The following REV3L variants were observed in gnomAD, a reference collection of about 807,000 sequenced individuals.
The protein encoded by REV3L is REV3 like, DNA directed polymerase zeta catalytic subunit, also known as DNA polymerase zeta catalytic subunit.
In REV3L, 69 loss-of-function variants were observed where a neutral mutation model predicts 299.4. The ratio of observed to expected loss-of-function variants is 0.23; its 90% CI spans 0.19 to 0.28. The LOEUF is 0.28. REV3L is among the 10% of genes least tolerant of loss of function. The pLI is 1.00. For missense variants in REV3L, 3,128 were observed against 3,693.8 expected, an observed-to-expected ratio of 0.85 and a Z score of 3.97; for synonymous variants, 1,238 against 1,271.4, an observed-to-expected ratio of 0.97 and a Z score of 0.56.
chr6:111,305,187 C>T (rs987804869), intron 31 of REV3L, among the ~76,000 whole-genome samples: 4 of 152,092 alleles, frequency 2.6e-5, no homozygotes, highest in African/African-American at 7.2e-5. Flanking sequence ...GTGATCCGCC[C>T]GCCTCGGCCT....
At chr6:111,306,526 T>C (rs571999879) in intron 31 of REV3L, among the ~76,000 whole-genome samples, 92 of 152,308 alleles carry the variant, frequency 6.0e-4, no homozygotes, top group African/African-American at 2.1e-3. Context: ...TTTGAGATGT[T>C]TGTTGTTTAT....
intron 1 of REV3L, among the ~76,000 whole-genome samples, chr6:111,452,520 G>A (rs936796648): frequency 2.0e-5 from 3 of 152,000 alleles, no homozygotes; most frequent in Admixed American, 6.6e-5. Context: ...TAACTCATAC[G>A]ACAATGTGGA....
At chr6:111,315,129 C>T (rs894351990) in intron 27 of REV3L, 138 bp downstream of exon 27, 12 of 677,582 alleles carry the variant, frequency 1.8e-5, no homozygotes, top group African/African-American at 1.1e-4. Flanking sequence ...GGATTACAGA[C>T]ATGAGCCAGT....
At chr6:111,332,829 A>G (rs1033465295) in intron 23 of REV3L, among the ~76,000 whole-genome samples, 4 of 152,234 alleles carry the variant, frequency 2.6e-5, no homozygotes, top group Non-Finnish European at 2.9e-5. Flanking sequence ...ATTTACATCA[A>G]CAATTTAACT....
intron 1 of REV3L, among the ~76,000 whole-genome samples, chr6:111,432,289 G>A (rs566055337): frequency 6.6e-6 from 1 of 152,274 alleles, no homozygotes; most frequent in East Asian, 1.9e-4. Context: ...AAAGAAGCAA[G>A]AGTTAAACTA....
At chr6:111,460,401 C>T (rs768194889) in intron 1 of REV3L, 7 of 141,214 alleles carry the variant, frequency 5.0e-5, no homozygotes, top group Non-Finnish European at 9.1e-5. Context: ...CAGGTACACC[C>T]GGAATCTAAA....
intron 30 of REV3L, 60 bp downstream of exon 30, chr6:111,309,793 T>A: frequency 6.4e-7 from 1 of 1,559,818 alleles, no homozygotes; most frequent in Non-Finnish European, 8.7e-7. Context: ...TTAGTTCTAC[T>A]GAAAATTTGG....
At position 111,376,434 on chromosome 6, in the gene REV3L, G is replaced by T; in HGVS notation, c.1921C>A (p.His641Asn). The T allele has an allele frequency of 1.2e-6, 2 of 1,613,414 alleles. No individual in the cohort carries two copies. The highest frequency in any genetic ancestry group is 2.2e-5 in the South Asian group (2 of 91,002). ...LSSTVHSENS[H>N]KENSKKEILP... The stretch of plus-strand genomic sequence containing the variant: ...ATCTCTTTCTTACTATTCTCTTTAT[G>T]AGAATTTTCTGAATGAACAGTACTG... Residue 641 changes from histidine (H) to asparagine (N), a missense_variant, in exon 13 of 32, where the codon CAT becomes AAT. By Grantham distance (68) the His-to-Asn change is moderately conservative. Coordinates refer to ENST00000368802, the MANE Select transcript of REV3L (RefSeq NM_001372078.1).
At chr6:111,356,873 C>T (rs1778144988) in intron 18 of REV3L, 141 bp downstream of exon 18, 1 of 397,250 alleles carries the variant, frequency 2.5e-6, no homozygotes, top group East Asian at 3.9e-5. Flanking sequence ...ATAAAATCTT[C>T]CCAAGAGTAA....
chr6:111,374,750 T>C lies in REV3L; in HGVS notation c.3605A>G (p.Asp1202Gly), dbSNP rs145862199. 2 of 1,612,584 alleles carry C rather than the reference T, an allele frequency of 1.2e-6. No homozygotes were observed. Among genetic ancestry groups the C allele is most frequent in the Non-Finnish European group, 1.7e-6 (2 of 1,179,492 alleles). Residue 1202 changes from aspartate (D) to glycine (G), a missense_variant, in exon 13 of 32, where the codon GAT (aspartate) becomes GGT (glycine). By Grantham distance (94) the Asp-to-Gly change is moderately conservative. This residue lies in a region of REV3L where 2,409 missense variants were observed against 2,611.8 expected (regional missense o/e 0.92). Coordinates refer to ENST00000368802, the MANE Select transcript of REV3L (RefSeq NM_001372078.1). Reference protein sequence around the residue: ...NKRNQTNKLVDDGKKKPRAKQ... With the variant: ...NKRNQTNKLVGDGKKKPRAKQ... ...TGCTCTTGGTTTCTTTTTTCCATCA[T>C]CTACTAGTTTATTTGTCTGATTTCG... is the stretch of plus-strand genomic sequence containing the variant.
chr6:111,426,699 T>C (rs948933762), intron 1 of REV3L, among the ~76,000 whole-genome samples: 1 of 152,230 alleles, frequency 6.6e-6, no homozygotes, highest in Non-Finnish European at 1.5e-5. Context: ...CATAAGCAAT[T>C]TAATCTGCAA....
At chr6:111,450,792 G>C (rs541871975) in intron 1 of REV3L, among the ~76,000 whole-genome samples, 1 of 152,270 alleles carries the variant, frequency 6.6e-6, no homozygotes, top group African/African-American at 2.4e-5. Context: ...TAACGTCTGG[G>C]TTTCAGAAGA....
chr6:111,398,966 GCAA>G (rs1272158624), intron 4 of REV3L, among the ~76,000 whole-genome samples: 3 of 151,954 alleles, frequency 2.0e-5, no homozygotes, highest in Non-Finnish European at 4.4e-5. Context: ...AATTACTTTT[GCAA>G]CAACCTAATA....
intron 1 of REV3L, among the ~76,000 whole-genome samples, chr6:111,429,515 T>C (rs1786603860): frequency 7.2e-6 from 1 of 139,654 alleles, no homozygotes. Context: ...CTGCAATTTG[T>C]AGTGTACAAT....
intron 9 of REV3L, among the ~76,000 whole-genome samples, chr6:111,386,863 A>G (rs1781400840): frequency 6.6e-6 from 1 of 151,708 alleles, no homozygotes; most frequent in Non-Finnish European, 1.5e-5. Flanking sequence ...CTGGGATTAC[A>G]GGTGTGCGCC....
intron 1 of REV3L, among the ~76,000 whole-genome samples, chr6:111,470,692 C>A (rs1395333909): frequency 6.6e-6 from 1 of 152,082 alleles, no homozygotes; most frequent in African/African-American, 2.4e-5. Context: ...AATTAAAAGA[C>A]ATGCCGGGGT....
chr6:111,431,664 A>G, intron 1 of REV3L: 1 of 932,892 alleles, frequency 1.1e-6, no homozygotes, highest in Non-Finnish European at 1.7e-6. Context: ...ACGGAGTTTG[A>G]AAAGCAATGG....
intron 1 of REV3L, among the ~76,000 whole-genome samples, chr6:111,464,668 T>A (rs1444789439): frequency 6.6e-6 from 1 of 152,138 alleles, no homozygotes; most frequent in Admixed American, 6.5e-5. Context: ...TTTTGGTACA[T>A]ACACTTTTAA....
Position 111,372,795 on chromosome 6 carries a change from T to C in REV3L, c.5560A>G (p.Ser1854Gly). 3 of 1,613,030 alleles carry C rather than the reference T, an allele frequency of 1.9e-6. No homozygotes were observed. Among genetic ancestry groups the C allele is most frequent in the South Asian group, 1.1e-5 (1 of 90,768 alleles). ...NNDMLTPTPD[S>G]SPRSTSSPSQ... ...GGAGAGCTAGTAGATCTTGGTGAAC[T>C]ATCAGGAGTTGGTGTCAACATATCA... The change falls in exon 13 of 32, where the codon AGT becomes GGT. Residue 1854 changes from serine (S) to glycine (G), a missense_variant. By Grantham distance (56) the Ser-to-Gly change is moderately conservative. Coordinates refer to ENST00000368802, the MANE Select transcript of REV3L (RefSeq NM_001372078.1).
Sources: allele counts gnomAD v4.1 joint callset (sites outside exome capture counted in the v4.1 genomes callset), GRCh38; gene constraint gnomAD v4.1.1; regional missense constraint gnomAD v4.1.1; transcripts MANE v1.5; gene names NCBI Gene and HGNC (gene_info 2026-07-23, HGNC 2026-07-21).